Variants in GALNT10 observed in about 807,000 individuals in gnomAD.
GALNT10 encodes polypeptide N-acetylgalactosaminyltransferase 10.
GALNT10 carries 41 observed loss-of-function variants against 75.0 expected under a neutral mutation model. That is an observed-to-expected ratio of 0.55 (90% CI 0.43 to 0.71). The LOEUF (loss-of-function observed/expected upper bound fraction) is 0.71, where lower values mean the gene tolerates loss of function less well. Among genes scored for constraint, GALNT10 ranks in the 30% least tolerant of loss-of-function variants. The pLI is 0.00. For synonymous variants in GALNT10, 302 were observed against 313.0 expected, an observed-to-expected ratio of 0.96 and a Z score of 0.37; for missense variants, 727 against 818.5, an observed-to-expected ratio of 0.89 and a Z score of 1.36.
intron 1 of GALNT10, among the ~76,000 whole-genome samples, chr5:154,260,408 G>A (rs1377286222): frequency 2.6e-5 from 4 of 152,154 alleles, no homozygotes; most frequent in East Asian, 1.9e-4. Context: ...TGGAGCAAGC[G>A]TGCAGCCAGT....
At chr5:154,231,548 T>G (rs1327762536) in intron 1 of GALNT10, among the ~76,000 whole-genome samples, 1 of 152,200 alleles carries the variant, frequency 6.6e-6, no homozygotes, top group Non-Finnish European at 1.5e-5. Context: ...GATTTTATTT[T>G]TTACCATGCT....
Position 154,416,520 on chromosome 5 carries a change from A to G in GALNT10, c.1654-294A>G, listed in dbSNP as rs1332028001. 1.4e-5 allele frequency among the ~76,000 whole-genome samples: 1 copy of G among 71,602 alleles called. No individual in the cohort carries two copies. The highest frequency in any genetic ancestry group is 6.6e-5 in the African/African-American group (1 of 15,108). 47.0% of individuals were successfully genotyped at this position (71,602 alleles called of 152,430 possible). ...ACACACACACACACACACACACACGATAAGGACCAGTGAGGTCTGACAGGA... is the reference window on the plus strand; with the variant it reads ...ACACACACACACACACACACACACGGTAAGGACCAGTGAGGTCTGACAGGA... On this transcript the variant is annotated intron_variant, in intron 11 of 11. Coordinates refer to ENST00000297107, the MANE Select transcript of GALNT10 (RefSeq NM_198321.4). The surrounding 1 kb of genome is among the most constrained non-coding windows in gnomAD (Gnocchi z 4.5).
rs368720209 is a variant in GALNT10 at position 154,247,009 on chromosome 5, G to A, written c.160-47807G>A. Reference sequence around the variant, plus strand: ...GTATAAGGTGTAAGGAAGGGATCCAGTTTCAGCTTTCTCCATATGGCTAGC... The same window carrying A: ...GTATAAGGTGTAAGGAAGGGATCCAATTTCAGCTTTCTCCATATGGCTAGC... On this transcript the variant is annotated intron_variant, in intron 1 of 11. Coordinates refer to ENST00000297107, the MANE Select transcript of GALNT10 (RefSeq NM_198321.4). Among the ~76,000 whole-genome samples, 46 of 152,284 alleles carry A rather than the reference G, an allele frequency of 3.0e-4. No homozygotes were observed. The East Asian group carries it at 7.7e-3, about 26-fold the overall frequency.
chr5:154,364,848 A>C (rs912086829), intron 4 of GALNT10, among the ~76,000 whole-genome samples: 4 of 152,130 alleles, frequency 2.6e-5, no homozygotes, highest in African/African-American at 9.7e-5. Flanking sequence ...ATAGGCTCCA[A>C]CTGGGTGAAA....
intron 9 of GALNT10, among the ~76,000 whole-genome samples, chr5:154,411,399 G>T (rs1756394695): frequency 1.3e-5 from 2 of 152,172 alleles, no homozygotes; most frequent in African/African-American, 4.8e-5. Flanking sequence ...ACCAGTAAAG[G>T]TGCAGGAATC....
At chr5:154,328,915 A>G (rs1459775765) in intron 3 of GALNT10, among the ~76,000 whole-genome samples, 1 of 152,204 alleles carries the variant, frequency 6.6e-6, no homozygotes, top group African/African-American at 2.4e-5. Context: ...AGGCCTCATC[A>G]CATGGCATGA....
intron 1 of GALNT10, among the ~76,000 whole-genome samples, chr5:154,253,111 C>T (rs10463338): frequency 0.012 from 1,844 of 148,042 alleles, 18 homozygotes; most frequent in Middle Eastern, 0.042. Flanking sequence ...CTAATTTTAA[C>T]TTACGTCGTA....
chr5:154,248,902 A>T (rs1408501413), intron 1 of GALNT10, among the ~76,000 whole-genome samples: 10 of 152,216 alleles, frequency 6.6e-5, no homozygotes, highest in Non-Finnish European at 1.5e-4. Context: ...TTATAGTCCC[A>T]TATGAGGAAT....
intron 1 of GALNT10, among the ~76,000 whole-genome samples, chr5:154,279,812 C>G (rs1240579776): frequency 6.6e-6 from 1 of 151,994 alleles, no homozygotes; most frequent in Non-Finnish European, 1.5e-5. Flanking sequence ...GGTATGAGTT[C>G]TTTATGCATT....
chr5:154,369,363 G>T (rs1052763832), intron 4 of GALNT10, among the ~76,000 whole-genome samples: 1 of 152,104 alleles, frequency 6.6e-6, no homozygotes, highest in Non-Finnish European at 1.5e-5. Context: ...ACTCCAGCCT[G>T]GGTGACAAAG....
chr5:154,331,033 T>C (rs1466278761), intron 4 of GALNT10, among the ~76,000 whole-genome samples: 1 of 152,072 alleles, frequency 6.6e-6, no homozygotes, highest in Non-Finnish European at 1.5e-5. Flanking sequence ...ACCCTTTACG[T>C]TTCCTTCCTT....
intron 1 of GALNT10, among the ~76,000 whole-genome samples, chr5:154,202,552 C>A (rs981475620): frequency 1.1e-4 from 16 of 152,170 alleles, no homozygotes; most frequent in Admixed American, 3.3e-4. Flanking sequence ...TAAGTCACTT[C>A]CCAGGCCTAT....
At chr5:154,249,162 C>G (rs1420806247) in intron 1 of GALNT10, among the ~76,000 whole-genome samples, 2 of 152,194 alleles carry the variant, frequency 1.3e-5, no homozygotes, top group Non-Finnish European at 2.9e-5. Flanking sequence ...TAATGCAGTT[C>G]CTGGTCTAGT....
chr5:154,367,722 G>C (rs1026045241), intron 4 of GALNT10, among the ~76,000 whole-genome samples: 11 of 152,060 alleles, frequency 7.2e-5, no homozygotes, highest in Middle Eastern at 3.4e-3. Flanking sequence ...GCTGGGAGTG[G>C]TGGCGGGCAC....
At position 154,247,701 on chromosome 5, in the gene GALNT10, G is replaced by A. The variant is rs551961121; in HGVS notation, c.160-47115G>A. Among the ~76,000 whole-genome samples the A allele has an allele frequency of 3.9e-4, 60 of 152,276 alleles. 3 individuals are homozygous for A. The highest frequency in any genetic ancestry group is 3.8e-3 in the Admixed American group (58 of 15,290). ...TTGCTGAAGTTGCTTATCAGCTTAA[G>A]GAGATTTTGGGCTGAGACGATGGGG... is the stretch of plus-strand genomic sequence containing the variant. On this transcript the variant is annotated intron_variant, in intron 1 of 11. Transcript: ENST00000297107.
intron 1 of GALNT10, among the ~76,000 whole-genome samples, chr5:154,210,571 G>C (rs1232732086): frequency 6.6e-6 from 1 of 152,196 alleles, no homozygotes; most frequent in Non-Finnish European, 1.5e-5. Flanking sequence ...CAATAAGTGT[G>C]ATTATTTGAT....
intron 4 of GALNT10, among the ~76,000 whole-genome samples, chr5:154,362,255 C>T (rs750217639): frequency 1.3e-5 from 2 of 152,188 alleles, no homozygotes; most frequent in Admixed American, 6.5e-5. Context: ...ACCTGGGCAT[C>T]GAGCAGCTCA....
rs934406157 is a variant in GALNT10, at chr5:154,402,050, G to A, written c.1057-2054G>A. On this transcript the variant is annotated intron_variant, in intron 7 of 11. Transcript: ENST00000297107. This position sits in a 1 kb window ranked among gnomAD's most constrained non-coding sequence, Gnocchi z 4.2. ...ATCAGGACGACTGCAAGAGCCTCCCGGGCCTACTCTCCCTGAGGCCTGCCC... is the reference window on the plus strand; with the variant it reads ...ATCAGGACGACTGCAAGAGCCTCCCAGGCCTACTCTCCCTGAGGCCTGCCC... 3.9e-5 allele frequency among the ~76,000 whole-genome samples: 6 copies of A among 152,246 alleles called. No homozygotes were observed. The highest frequency in any genetic ancestry group is 7.2e-5 in the African/African-American group (3 of 41,546).
At chr5:154,415,967 T>G in intron 11 of GALNT10, 35 bp downstream of exon 11, 1 of 1,603,974 alleles carries the variant, frequency 6.2e-7, no homozygotes, top group Non-Finnish European at 8.5e-7. Flanking sequence ...GGGCACCTGC[T>G]TAATTTTTTT....
Sources: allele counts gnomAD v4.1 joint callset (sites outside exome capture counted in the v4.1 genomes callset), GRCh38; gene constraint gnomAD v4.1.1; non-coding constraint Gnocchi (gnomAD v3.1); transcripts MANE v1.5; gene names NCBI Gene and HGNC (gene_info 2026-07-23, HGNC 2026-07-21).